Variants in SAMMSON observed in about 807,000 individuals in gnomAD.
The protein encoded by SAMMSON is survival associated mitochondrial melanoma specific oncogenic non-coding RNA.
chr3:70,027,321 A>G (rs1023970252), intron 3 of SAMMSON, among the ~76,000 whole-genome samples: 3 of 152,154 alleles, frequency 2.0e-5, no homozygotes, highest in Admixed American at 6.5e-5. Flanking sequence ...TTGTGACTCA[A>G]TTTTTGTTCT....
intron 9 of SAMMSON, among the ~76,000 whole-genome samples, chr3:70,362,613 C>A (rs1702881410): frequency 6.6e-6 from 1 of 151,856 alleles, no homozygotes; most frequent in African/African-American, 2.4e-5. Flanking sequence ...AAAAAAAGAC[C>A]TACAAAGTAC....
chr3:70,017,733 C>T (rs867143130), intron 3 of SAMMSON, among the ~76,000 whole-genome samples: 22 of 152,164 alleles, frequency 1.4e-4, no homozygotes, highest in Middle Eastern at 6.8e-3. Context: ...TCATAAATAG[C>T]TCTTATTATT....
intron 6 of SAMMSON, among the ~76,000 whole-genome samples, chr3:70,259,749 A>T (rs4611783): frequency 0.094 from 14,302 of 152,248 alleles, 927 homozygotes; most frequent in East Asian, 0.23. Flanking sequence ...TTGTTGTATT[A>T]GTCTGTTTTC....
chr3:70,255,351 A>C (rs958251838), intron 6 of SAMMSON, among the ~76,000 whole-genome samples: 3 of 152,222 alleles, frequency 2.0e-5, no homozygotes, highest in African/African-American at 7.2e-5. Context: ...ACCAAAGAAG[A>C]GGCTTGGCTG....
chr3:70,280,351 A>G (rs1702068278), intron 6 of SAMMSON, among the ~76,000 whole-genome samples: 1 of 152,146 alleles, frequency 6.6e-6, no homozygotes, highest in South Asian at 2.1e-4. Flanking sequence ...CTTAAGAGGT[A>G]ATATGTACAG....
At chr3:70,028,110 T>TTCCTTCCTTCCC (rs1474380015) in intron 3 of SAMMSON, among the ~76,000 whole-genome samples, 9 of 145,502 alleles carry the variant, frequency 6.2e-5, no homozygotes, top group African/African-American at 2.4e-4. Flanking sequence ...CCTTCCTTCC[T>TTCCTTCCTTCCC]TCCCTTCCTT....
rs535834364 is a variant in SAMMSON at position 70,041,835 on chromosome 3, G to A, written n.417+28163G>A. Among the ~76,000 whole-genome samples the A allele has an allele frequency of 3.9e-5, 6 of 152,070 alleles. No individual in the cohort carries two copies. In the South Asian group the frequency reaches 1.2e-3, roughly 32 times the overall value. ...GAACCAATCCCCCATAGATACAGAG[G>A]GATGCCTGTACTTATAATAGGAAGC... On this transcript the variant is annotated intron_variant and non_coding_transcript_variant, in intron 3 of 9. Coordinates refer to ENST00000642114, the Ensembl canonical transcript of SAMMSON.
chr3:70,297,365 A>G (rs1702301031), intron 7 of SAMMSON, among the ~76,000 whole-genome samples: 1 of 152,116 alleles, frequency 6.6e-6, no homozygotes, highest in South Asian at 2.1e-4. Flanking sequence ...AAAGAACTGG[A>G]TATCTTGGTG....
At chr3:70,301,144 GAC>G (rs1470806958) in intron 7 of SAMMSON, among the ~76,000 whole-genome samples, 3 of 152,010 alleles carry the variant, frequency 2.0e-5, no homozygotes, top group Non-Finnish European at 4.4e-5. Context: ...TTTCTTCTGA[GAC>G]ACAGCTGTAA....
chr3:70,130,673 G>C (rs1364962602), intron 4 of SAMMSON, among the ~76,000 whole-genome samples: 1 of 152,154 alleles, frequency 6.6e-6, no homozygotes, highest in Admixed American at 6.5e-5. Context: ...ATTATGTTTT[G>C]AGGAAGCCCA....
At chr3:70,200,422 CACTG>C (rs1701226288) in intron 4 of SAMMSON, among the ~76,000 whole-genome samples, 1 of 152,206 alleles carries the variant, frequency 6.6e-6, no homozygotes, top group Non-Finnish European at 1.5e-5. Flanking sequence ...ACTCCAGCCA[CACTG>C]ACTAAATTGC....
intron 6 of SAMMSON, among the ~76,000 whole-genome samples, chr3:70,256,273 G>A (rs547707813): frequency 3.3e-5 from 5 of 152,188 alleles, no homozygotes; most frequent in South Asian, 2.1e-4. Flanking sequence ...CACCTTTGTT[G>A]TGGATTTTCT....
chr3:70,345,672 A>G (rs997794185), intron 7 of SAMMSON, among the ~76,000 whole-genome samples: 3 of 152,182 alleles, frequency 2.0e-5, no homozygotes, highest in Non-Finnish European at 4.4e-5. Context: ...AAACCTCGGC[A>G]ACCATTAATC....
intron 3 of SAMMSON, among the ~76,000 whole-genome samples, chr3:70,048,880 A>T (rs1252355777): frequency 6.6e-6 from 1 of 152,104 alleles, no homozygotes; most frequent in Non-Finnish European, 1.5e-5. Flanking sequence ...CAGAGCCAGG[A>T]TTCCTACTCA....
intron 9 of SAMMSON, among the ~76,000 whole-genome samples, chr3:70,380,879 T>G (rs571135573): frequency 1.1e-4 from 17 of 152,304 alleles, no homozygotes; most frequent in African/African-American, 4.1e-4. Context: ...GAACTCATCC[T>G]TTTTTATGGC....
At chr3:70,118,183 A>G (rs2067419212) in intron 4 of SAMMSON, among the ~76,000 whole-genome samples, 1 of 152,108 alleles carries the variant, frequency 6.6e-6, no homozygotes, top group South Asian at 2.1e-4. Flanking sequence ...CAGCCTCCCA[A>G]AGTGCTGGGA....
chr3:70,172,985 A>G (rs1462991349), intron 4 of SAMMSON: 2 of 151,768 alleles, frequency 1.3e-5, no homozygotes, highest in African/African-American at 2.4e-5. Flanking sequence ...AGAATTTTCT[A>G]CTCTTAATCG....
intron 4 of SAMMSON, among the ~76,000 whole-genome samples, chr3:70,217,883 A>G (rs950034222): frequency 1.2e-4 from 18 of 152,268 alleles, no homozygotes; most frequent in Admixed American, 6.5e-4. Context: ...ATCAGCATCT[A>G]TCAGGTTAAT....
intron 7 of SAMMSON, among the ~76,000 whole-genome samples, chr3:70,305,916 G>T (rs1702395396): frequency 6.6e-6 from 1 of 152,108 alleles, no homozygotes; most frequent in Non-Finnish European, 1.5e-5. Context: ...TTGGAACCTG[G>T]ATTTTTTTGG....
Sources: allele counts gnomAD v4.1 joint callset (sites outside exome capture counted in the v4.1 genomes callset), GRCh38; gene constraint gnomAD v4.1.1; transcripts MANE v1.5; gene names NCBI Gene and HGNC (gene_info 2026-07-23, HGNC 2026-07-21).